Variants in KIF1A observed in about 807,000 individuals in gnomAD.
The protein encoded by KIF1A is kinesin-like protein KIF1A.
KIF1A carries 46 observed loss-of-function variants against 227.3 expected under a neutral mutation model. The ratio of observed to expected loss-of-function variants is 0.20; its 90% CI spans 0.16 to 0.26. The LOEUF (loss-of-function observed/expected upper bound fraction) is 0.26, where lower values mean the gene tolerates loss of function less well. KIF1A is among the 10% of genes least tolerant of loss of function. The pLI is 1.00. For synonymous variants in KIF1A, 1,022 were observed against 1,012.8 expected, an observed-to-expected ratio of 1.01 and a Z score of -0.17; for missense variants, 1,683 against 2,485.9, an observed-to-expected ratio of 0.68 and a Z score of 6.87.
intron 48 of KIF1A, 144 bp downstream of exon 48, chr2:240,717,906 G>A (rs1040072196): frequency 2.9e-5 from 20 of 681,646 alleles, no homozygotes; most frequent in Non-Finnish European, 5.0e-5. Flanking sequence ...CCTACTGAAT[G>A]GTCCCCGCCA....
At chr2:240,741,647 C>T (rs906480228) in intron 34 of KIF1A, among the ~76,000 whole-genome samples, 2 of 152,242 alleles carry the variant, frequency 1.3e-5, no homozygotes, top group African/African-American at 2.4e-5. Flanking sequence ...CGGCACAGCT[C>T]ATGAGGAGGA....
chr2:240,779,808 C>G (rs4676368), intron 10 of KIF1A, among the ~76,000 whole-genome samples: 1 of 151,970 alleles, frequency 6.6e-6, no homozygotes, highest in African/African-American at 2.4e-5. Context: ...CTTCCTCGCA[C>G]GGTTCTGCGG....
intron 27 of KIF1A, among the ~76,000 whole-genome samples, chr2:240,751,449 G>A (rs775576242): frequency 2.6e-5 from 4 of 152,122 alleles, no homozygotes; most frequent in Non-Finnish European, 5.9e-5. Context: ...GGCTGTGAAC[G>A]CCCAACACCT....
chr2:240,779,699 C>G (rs1229961946), intron 10 of KIF1A, among the ~76,000 whole-genome samples: 6 of 149,658 alleles, frequency 4.0e-5, no homozygotes, highest in Non-Finnish European at 8.8e-5. Flanking sequence ...CACTTCCTCA[C>G]TCAGTTCCTC....
Position 240,745,784 on chromosome 2 carries a change from C to T in KIF1A, c.3328G>A (p.Ala1110Thr). The T allele has an allele frequency of 6.2e-7, 1 of 1,612,950 alleles. No individual in the cohort carries two copies. The highest frequency in any genetic ancestry group is 8.5e-7 in the Non-Finnish European group (1 of 1,179,670). Residue 1110 changes from alanine to threonine, a missense_variant, in exon 31 of 49, where the codon GCG becomes ACG. Transcript: ENST00000498729. ...TFTFRVTVLQ[A>T]SSISAEYADI... ...GCATATTCGGCAGAGATGCTGGACG[C>T]CTGCAGGACTGTCACACGGAAGGTG...
chr2:240,786,043 C>T (rs1329538338), intron 6 of KIF1A, among the ~76,000 whole-genome samples: 4 of 152,148 alleles, frequency 2.6e-5, no homozygotes, highest in South Asian at 2.1e-4. Flanking sequence ...GCTGCCCCAT[C>T]GAAGCAGCAG....
chr2:240,808,497 CAA>C (rs11302292), intron 1 of KIF1A, among the ~76,000 whole-genome samples: 4,119 of 67,844 alleles, frequency 0.061, 193 homozygotes, highest in African/African-American at 0.13. Context: ...ATTTCTAAAA[CAA>C]AAAAAAAAAA....
intron 23 of KIF1A, among the ~76,000 whole-genome samples, chr2:240,761,694 G>A (rs1438687547): frequency 6.6e-6 from 1 of 152,184 alleles, no homozygotes; most frequent in Non-Finnish European, 1.5e-5. Context: ...TACACAGAAA[G>A]AAGAAACCGG....
At position 240,719,838 on chromosome 2, in the gene KIF1A, C is replaced by T. The variant is rs2045073432; in HGVS notation, c.4957G>A (p.Ala1653Thr). ...DSKKLPSPAR[A>T]TETDKEPQRL... The stretch of plus-strand genomic sequence containing the variant: ...TGGGGCTCCTTGTCTGTCTCTGTTG[C>T]CCGGGCAGGGGAAGGGAGCTTCTTG... The change falls in exon 46 of 49, where the codon GCA (alanine) becomes ACA (threonine). Residue 1653 changes from alanine (A) to threonine (T), a missense_variant. By Grantham distance (58) the Ala-to-Thr change is moderately conservative. This residue lies in a region of KIF1A where 384 missense variants were observed against 410.1 expected (regional missense o/e 0.94). Transcript: ENST00000498729. 6.2e-6 allele frequency: 10 copies of T among 1,611,446 alleles called. No individual in the cohort carries two copies. Among genetic ancestry groups the T allele is most frequent in the Middle Eastern group, 3.3e-4 (2 of 6,004 alleles).
intron 38 of KIF1A, among the ~76,000 whole-genome samples, chr2:240,728,618 C>T (rs557008809): frequency 8.5e-5 from 13 of 152,358 alleles, no homozygotes; most frequent in Non-Finnish European, 1.3e-4. Flanking sequence ...GCAGACACCC[C>T]CTTCCCTGGG....
At position 240,757,465 on chromosome 2, in the gene KIF1A, C is replaced by T. The variant is rs1221647822; in HGVS notation, c.2712G>A (p.Gln904=). 2.6e-6 allele frequency: 4 copies of T among 1,550,446 alleles called. No individual in the cohort carries two copies. The African/African-American group carries it at 5.5e-5, about 21-fold the overall frequency. ...CCTCCTCCTCCTCCTCCCCCACGCT[C>T]TGCTCCTCGGCAGGCTCGGTGGCGT... is the stretch of plus-strand genomic sequence containing the variant. The part of the protein sequence containing the change: ...DSDATEPAEE[Q]SVGEEEEEEE... The change falls in exon 27 of 49, where the codon CAG becomes CAA. Residue 904 remains glutamine, a synonymous_variant. Transcript: ENST00000498729. The surrounding 1 kb of genome is among the most constrained non-coding windows in gnomAD (Gnocchi z 6.2).
At chr2:240,730,983 C>T (rs2046536567) in intron 38 of KIF1A, among the ~76,000 whole-genome samples, 1 of 152,228 alleles carries the variant, frequency 6.6e-6, no homozygotes, top group Non-Finnish European at 1.5e-5. Flanking sequence ...CTGAGGGCAG[C>T]TGCAGGCTCC....
At chr2:240,720,877 T>C (rs1440023500) in intron 45 of KIF1A, 37 bp downstream of exon 45, 2 of 1,522,354 alleles carry the variant, frequency 1.3e-6, no homozygotes, top group Non-Finnish European at 1.8e-6. Flanking sequence ...TCAGCCGTGG[T>C]GCCAGAAGCC....
At chr2:240,742,433 C>T (rs984608168) in intron 34 of KIF1A, among the ~76,000 whole-genome samples, 1 of 152,152 alleles carries the variant, frequency 6.6e-6, no homozygotes, top group Non-Finnish European at 1.5e-5. Context: ...AAATAAACTC[C>T]ACTCTTTTAA....
chr2:240,716,813 T>G lies in KIF1A; in HGVS notation c.*551A>C, dbSNP rs1484737989. ...GTGTGCTAGCCCCAAGGTGCCCCACTGGTCCAGACAGCTCCTCACTGCGGC... is the reference window on the plus strand; with the variant it reads ...GTGTGCTAGCCCCAAGGTGCCCCACGGGTCCAGACAGCTCCTCACTGCGGC... On this transcript the variant is annotated 3_prime_UTR_variant, in exon 49 of 49. Transcript: ENST00000498729. The G allele has an allele frequency of 8.5e-5, 13 of 152,714 alleles. No homozygotes were observed. The highest frequency in any genetic ancestry group is 1.8e-4 in the Non-Finnish European group (12 of 68,314). The allele number at this position is 152,714 out of a possible 1,614,324, so 9.5% of individuals were successfully genotyped here.
Position 240,770,917 on chromosome 2 carries a change from C to T in KIF1A, c.1341+54G>A, listed in dbSNP as rs1197522045. The T allele has an allele frequency of 2.8e-5, 44 of 1,593,670 alleles. 1 individual carries two copies. In the South Asian group the frequency reaches 3.5e-4, roughly 13 times the overall value. ...GGGCAGGGTGCCTCTCTAACTCCTC[C>T]GAGCTCCCCACTCCCAGAGTCTGAC... On this transcript the variant is annotated intron_variant, in intron 15 of 48. Transcript: ENST00000498729.
In KIF1A at chr2:240,766,737, T is replaced by TCA. The variant is rs1177997507; in HGVS notation, c.1684+177_1684+178insTG. ...CTCTCTCCAAATCTCTCTCTCTCTC[T>TCA]CTCTCTCTCTCTCACACACACACAC... On this transcript the variant is annotated intron_variant, in intron 19 of 48. Coordinates refer to ENST00000498729, the MANE Select transcript of KIF1A (RefSeq NM_001244008.2). This position sits in a 1 kb window ranked among gnomAD's most constrained non-coding sequence, Gnocchi z 5.0. 8.6e-6 allele frequency among the ~76,000 whole-genome samples: 1 copy of TCA among 116,270 alleles called. No homozygotes were observed. The highest frequency in any genetic ancestry group is 3.6e-5 in the African/African-American group (1 of 27,856). 76.3% of individuals were successfully genotyped at this position (116,270 alleles called of 152,430 possible).
Position 240,720,993 on chromosome 2 carries a change from G to A in KIF1A, c.4789C>T (p.Pro1597Ser), listed in dbSNP as rs2045297930. ...GGGGTGAGAGTGGCCACCCCTAGAG[G>A]GGACATCGACGGGTCCCGGAGCAGG... Reference protein sequence around the residue: ...VTLLRDPSMSPLGVATLTPSS... With the variant: ...VTLLRDPSMSSLGVATLTPSS... The change falls in exon 45 of 49, where the codon CCT (proline) becomes TCT (serine). Residue 1597 changes from proline (P) to serine (S), a missense_variant. Around this residue, in one of 12 missense-constraint regions of KIF1A, gnomAD observed 384 missense variants for 410.1 expected, o/e 0.94. Coordinates refer to ENST00000498729, the MANE Select transcript of KIF1A (RefSeq NM_001244008.2). 4.3e-6 allele frequency: 7 copies of A among 1,610,514 alleles called. No individual in the cohort carries two copies. Among genetic ancestry groups the A allele is most frequent in the Non-Finnish European group, 5.1e-6 (6 of 1,178,954 alleles).
chr2:240,794,684 C>T (rs1289105996), intron 2 of KIF1A, among the ~76,000 whole-genome samples: 8 of 152,344 alleles, frequency 5.3e-5, no homozygotes, highest in Middle Eastern at 6.8e-3. Flanking sequence ...GGATAACCTT[C>T]GTTGCATTTC....
Sources: gnomAD v4.1 joint callset for allele counts (sites outside exome capture counted in the v4.1 genomes callset) on GRCh38, gnomAD v4.1.1 for gene constraint, gnomAD v4.1.1 regional missense constraint, Gnocchi (gnomAD v3.1) non-coding constraint, MANE v1.5 for transcripts, NCBI Gene and HGNC (gene_info 2026-07-23, HGNC 2026-07-21) for gene names.